Variants in ANKS1B observed in about 807,000 individuals in gnomAD.
The protein encoded by ANKS1B is ankyrin repeat and sterile alpha motif domain containing 1B.
Under a neutral mutation model 148.3 loss-of-function variants are expected in ANKS1B, and 36 were observed. The ratio of observed to expected loss-of-function variants is 0.24; its 90% CI spans 0.19 to 0.32. ANKS1B has a LOEUF of 0.32. Ranked by LOEUF, ANKS1B falls within the 10% of genes least tolerant of loss-of-function variation. ANKS1B has a pLI of 1.00. For synonymous variants in ANKS1B, 542 were observed against 560.8 expected (o/e 0.97, Z 0.47); for missense variants, 1,157 against 1,542.6 (o/e 0.75, Z 4.19).
At chr12:99,221,653 A>G (rs2085149179) in intron 14 of ANKS1B, among the ~76,000 whole-genome samples, 1 of 152,224 alleles carries the variant, frequency 6.6e-6, no homozygotes, top group Non-Finnish European at 1.5e-5. Flanking sequence ...CACCTACCAA[A>G]TATGTAAGTT....
At chr12:98,762,808 C>A (rs1309610989) in intron 25 of ANKS1B, among the ~76,000 whole-genome samples, 1 of 152,216 alleles carries the variant, frequency 6.6e-6, no homozygotes, top group Non-Finnish European at 1.5e-5. Context: ...AGGGCTGATT[C>A]CCCCAGTTGA....
At chr12:99,697,286 T>C (rs1338708830) in intron 8 of ANKS1B, among the ~76,000 whole-genome samples, 3 of 152,178 alleles carry the variant, frequency 2.0e-5, no homozygotes, top group Non-Finnish European at 4.4e-5. Context: ...TGCACAGGAA[T>C]GTTTATAGCA....
chr12:99,118,616 GCCCA>G (rs2061970923), intron 15 of ANKS1B, among the ~76,000 whole-genome samples: 1 of 152,098 alleles, frequency 6.6e-6, no homozygotes, highest in Admixed American at 6.6e-5. Flanking sequence ...AATGCTGTGA[GCCCA>G]CCCACCCACC....
At chr12:99,100,412 C>T (rs1399940963) in intron 15 of ANKS1B, among the ~76,000 whole-genome samples, 3 of 152,164 alleles carry the variant, frequency 2.0e-5, no homozygotes, top group Non-Finnish European at 4.4e-5. Context: ...TATCATGCTG[C>T]CCACACTTTA....
At chr12:99,521,106 T>A (rs924991833) in intron 9 of ANKS1B, among the ~76,000 whole-genome samples, 6 of 152,258 alleles carry the variant, frequency 3.9e-5, no homozygotes, top group Non-Finnish European at 5.9e-5. Context: ...GACTGTGTAT[T>A]TTTAAACAGC....
chr12:99,037,919 A>G (rs1453230643), intron 17 of ANKS1B, among the ~76,000 whole-genome samples: 1 of 152,198 alleles, frequency 6.6e-6, no homozygotes, highest in Non-Finnish European at 1.5e-5. Flanking sequence ...ATAGCAGGTC[A>G]ATAGCTGAGG....
chr12:99,487,489 A>G (rs2096506699), intron 10 of ANKS1B, among the ~76,000 whole-genome samples: 1 of 152,150 alleles, frequency 6.6e-6, no homozygotes, highest in Non-Finnish European at 1.5e-5. Flanking sequence ...GAAGAGTGGG[A>G]ACAATTGGGT....
chr12:99,692,189 G>C (rs2098682888), intron 8 of ANKS1B, among the ~76,000 whole-genome samples: 1 of 152,142 alleles, frequency 6.6e-6, no homozygotes, highest in South Asian at 2.1e-4. Flanking sequence ...GATGCTGTGA[G>C]TAAAATGGAT....
intron 17 of ANKS1B, among the ~76,000 whole-genome samples, chr12:98,908,467 G>A (rs75723537): frequency 6.6e-6 from 1 of 152,152 alleles, no homozygotes; most frequent in African/African-American, 2.4e-5. Flanking sequence ...ATACACTGGG[G>A]TGGTTCCCTA....
At chr12:99,754,289 TC>T (rs1439420347) in intron 8 of ANKS1B, among the ~76,000 whole-genome samples, 1 of 152,080 alleles carries the variant, frequency 6.6e-6, no homozygotes, top group African/African-American at 2.4e-5. Context: ...CATAAAGGGT[TC>T]AATTAAGAAG....
At chr12:98,920,794 T>C (rs1301016576) in intron 17 of ANKS1B, among the ~76,000 whole-genome samples, 7 of 152,176 alleles carry the variant, frequency 4.6e-5, no homozygotes, top group Admixed American at 3.3e-4. Context: ...TGCAATGAAA[T>C]CTCCTTAGAG....
chr12:99,802,537 T>C, intron 4 of ANKS1B, among the ~76,000 whole-genome samples: 1 of 152,238 alleles, frequency 6.6e-6, no homozygotes, highest in East Asian at 1.9e-4. Context: ...TTTAAATATG[T>C]GTTATAATTT....
chr12:99,832,660 G>A (rs1009818364), intron 1 of ANKS1B, among the ~76,000 whole-genome samples: 1 of 151,666 alleles, frequency 6.6e-6, no homozygotes, highest in Admixed American at 6.6e-5. Context: ...GGAGGCAGAG[G>A]TTGCAGTGAG....
intron 14 of ANKS1B, among the ~76,000 whole-genome samples, chr12:99,234,445 C>T (rs1022368399): frequency 1.3e-5 from 2 of 152,072 alleles, no homozygotes; most frequent in Non-Finnish European, 2.9e-5. Context: ...ACAACAATTC[C>T]TGGGAATACA....
At chr12:99,107,536 C>T (rs2059472853) in intron 15 of ANKS1B, among the ~76,000 whole-genome samples, 1 of 152,078 alleles carries the variant, frequency 6.6e-6, no homozygotes, top group Non-Finnish European at 1.5e-5. Flanking sequence ...GAACATTAGG[C>T]CAAAGTAGAG....
intron 9 of ANKS1B, among the ~76,000 whole-genome samples, chr12:99,519,128 T>G (rs2096850860): frequency 6.6e-6 from 1 of 152,122 alleles, no homozygotes; most frequent in African/African-American, 2.4e-5. Context: ...CAAATTTGTT[T>G]TGTGAGCTAA....
chr12:99,316,113 T>G (rs754739361), intron 12 of ANKS1B, among the ~76,000 whole-genome samples: 2 of 152,218 alleles, frequency 1.3e-5, no homozygotes, highest in Non-Finnish European at 2.9e-5. Context: ...CTATTATGAA[T>G]AGTGCCACAA....
chr12:98,850,489 A>T (rs2099517543), intron 17 of ANKS1B, among the ~76,000 whole-genome samples: 1 of 29,494 alleles, frequency 3.4e-5, no homozygotes, highest in Admixed American at 5.1e-4. Flanking sequence ...TTTTTTTGAG[A>T]CGGAGTCTCA....
chr12:99,760,351 G>T (rs571229883), intron 8 of ANKS1B, among the ~76,000 whole-genome samples: 4 of 151,786 alleles, frequency 2.6e-5, no homozygotes, highest in Non-Finnish European at 5.9e-5. Flanking sequence ...TTGGACCACA[G>T]TGGAATAAAA....
Sources: gnomAD v4.1 joint callset for allele counts (sites outside exome capture counted in the v4.1 genomes callset) on GRCh38, gnomAD v4.1.1 for gene constraint, MANE v1.5 for transcripts, NCBI Gene and HGNC (gene_info 2026-07-23, HGNC 2026-07-21) for gene names.